Variants in MCC observed in about 807,000 individuals in gnomAD.
The protein encoded by MCC is colorectal mutant cancer protein.
In MCC, 90 loss-of-function variants were observed where a neutral mutation model predicts 116.2. The observed-to-expected ratio is 0.77, with a 90% confidence interval of 0.65 to 0.92. The LOEUF (loss-of-function observed/expected upper bound fraction) is 0.92. Among genes scored for constraint, MCC ranks in the 40% least tolerant of loss-of-function variants. The pLI is 0.00. For missense variants in MCC, 1,516 were observed against 1,312.2 expected (o/e 1.16, Z -2.40); for synonymous variants, 578 against 510.5 (o/e 1.13, Z -1.78).
rs1287362835 is a variant in MCC, at chr5:113,340,735, G to A, written c.416-5C>T. Reference sequence around the variant, plus strand: ...CCCTGGCTGCTGATAAGGCACCTAAGTCCGAGAGAAGCAGAGAAAATGAAA... The same window carrying A: ...CCCTGGCTGCTGATAAGGCACCTAAATCCGAGAGAAGCAGAGAAAATGAAA... On this transcript the variant is annotated splice_polypyrimidine_tract_variant and splice_region_variant and intron_variant, in intron 2 of 18. Transcript: ENST00000408903. 2 of 1,612,082 alleles carry A rather than the reference G, an allele frequency of 1.2e-6. No individual in the cohort carries two copies. Among genetic ancestry groups the A allele is most frequent in the Admixed American group, 1.7e-5 (1 of 59,962 alleles).
chr5:113,042,189 G>C (rs1751751271), intron 17 of MCC, among the ~76,000 whole-genome samples: 1 of 151,814 alleles, frequency 6.6e-6, no homozygotes, highest in Non-Finnish European at 1.5e-5. Flanking sequence ...AGGAATTTAA[G>C]GGCCGGGCAG....
chr5:113,093,069 G>A (rs75491328), intron 8 of MCC, among the ~76,000 whole-genome samples: 6,300 of 152,134 alleles, frequency 0.041, 177 homozygotes, highest in East Asian at 0.086. Context: ...AGAGTGCTGA[G>A]GAGAAAAACA....
rs539638737 is a variant in MCC, at chr5:113,189,704, T to C, written c.628-38282A>G. On this transcript the variant is annotated intron_variant, in intron 3 of 18. Coordinates refer to ENST00000408903, the MANE Select transcript of MCC (RefSeq NM_001085377.2). The stretch of plus-strand genomic sequence containing the variant: ...GAGCAAGCAGGAGGCTGGCTCCAAG[T>C]GCTCAGAGTCTAGTGGAATCACTGT... 5.4e-4 allele frequency among the ~76,000 whole-genome samples: 82 copies of C among 152,354 alleles called. No homozygotes were observed. The South Asian group carries it at 0.011, about 20-fold the overall frequency.
At chr5:113,034,567 A>G (rs1362969209) in intron 17 of MCC, among the ~76,000 whole-genome samples, 3 of 152,350 alleles carry the variant, frequency 2.0e-5, no homozygotes, top group African/African-American at 7.2e-5. Context: ...GAGGAGCTGT[A>G]ATCAGACCAA....
intron 1 of MCC, chr5:113,436,269 C>G (rs1285300488): frequency 6.6e-6 from 1 of 152,520 alleles, no homozygotes; most frequent in Non-Finnish European, 1.5e-5. Flanking sequence ...TCCAGACAGC[C>G]TCCTTCTCCT....
intron 1 of MCC, among the ~76,000 whole-genome samples, chr5:113,460,946 T>G (rs1446657202): frequency 5.3e-5 from 8 of 152,238 alleles, no homozygotes; most frequent in African/African-American, 1.7e-4. Flanking sequence ...TTTATCGCAT[T>G]TATTTTATTT....
chr5:113,243,083 GC>G lies in MCC; in HGVS notation c.628-91662del, dbSNP rs377680477. Among the ~76,000 whole-genome samples the G allele has an allele frequency of 3.1e-3, 471 of 152,338 alleles. 1 individual carries two copies. The highest frequency in any genetic ancestry group is 5.6e-3 in the Non-Finnish European group (384 of 68,030). On this transcript the variant is annotated intron_variant, in intron 3 of 18. Transcript: ENST00000408903. Reference sequence around the variant, plus strand: ...AATGAATTCTGAAATGAACAACTATGCTTTCTGCCTATTATCTTACAATCAA... The same window carrying G: ...AATGAATTCTGAAATGAACAACTATGTTTCTGCCTATTATCTTACAATCAA...
At chr5:113,444,359 AAGAC>A (rs1466196674) in intron 1 of MCC, among the ~76,000 whole-genome samples, 1 of 152,146 alleles carries the variant, frequency 6.6e-6, no homozygotes, top group Non-Finnish European at 1.5e-5. Context: ...TATAGGGTGA[AAGAC>A]AGAGATTGGG....
At chr5:113,273,692 A>G (rs1402557827) in intron 3 of MCC, among the ~76,000 whole-genome samples, 2 of 152,130 alleles carry the variant, frequency 1.3e-5, no homozygotes, top group Non-Finnish European at 2.9e-5. Flanking sequence ...TGCCAAGGAG[A>G]ATCAGCTGTA....
intron 14 of MCC, among the ~76,000 whole-genome samples, chr5:113,061,492 C>T (rs1753214509): frequency 6.6e-6 from 1 of 152,216 alleles, no homozygotes; most frequent in Non-Finnish European, 1.5e-5. Flanking sequence ...CCTAGTCACT[C>T]TGTCCATAAG....
intron 1 of MCC, among the ~76,000 whole-genome samples, chr5:113,465,618 G>A (rs921707843): frequency 1.3e-5 from 2 of 152,010 alleles, no homozygotes. Context: ...TTTGCAACCT[G>A]ACAAAAGATT....
rs146065977 is a variant in MCC at position 113,266,093 on chromosome 5, C to G, written c.627+74426G>C. ...TTGAATTTCAACTTTCATTAAAATC[C>G]TAGGTCTTATGCCAAATGCTAGGAA... On this transcript the variant is annotated intron_variant, in intron 3 of 18. Transcript: ENST00000408903. Among the ~76,000 whole-genome samples the G allele has an allele frequency of 7.9e-4, 121 of 152,264 alleles. 1 individual carries two copies. In the East Asian group the frequency reaches 0.023, roughly 28 times the overall value.
intron 9 of MCC, among the ~76,000 whole-genome samples, chr5:113,084,824 C>A (rs770552176): frequency 5.9e-5 from 9 of 152,176 alleles, no homozygotes; most frequent in Admixed American, 2.0e-4. Flanking sequence ...AGGTCCCTGA[C>A]TGGGCTGAAC....
At chr5:113,039,626 A>G (rs1012317028) in intron 17 of MCC, among the ~76,000 whole-genome samples, 1 of 152,116 alleles carries the variant, frequency 6.6e-6, no homozygotes, top group African/African-American at 2.4e-5. Flanking sequence ...AGGGGTCCCC[A>G]TAGAGAATGT....
chr5:113,131,901 T>C (rs1211826975), intron 5 of MCC, among the ~76,000 whole-genome samples: 1 of 152,154 alleles, frequency 6.6e-6, no homozygotes, highest in Non-Finnish European at 1.5e-5. Flanking sequence ...TATCATAGTC[T>C]CCACCCTCTT....
At chr5:113,429,489 A>G (rs577256294) in intron 1 of MCC, among the ~76,000 whole-genome samples, 1 of 152,298 alleles carries the variant, frequency 6.6e-6, no homozygotes, top group East Asian at 1.9e-4. Context: ...GCTGACTAAG[A>G]TAGGGGGTGA....
At chr5:113,331,940 A>G (rs1767707745) in intron 3 of MCC, among the ~76,000 whole-genome samples, 1 of 151,566 alleles carries the variant, frequency 6.6e-6, no homozygotes, top group African/African-American at 2.4e-5. Flanking sequence ...TCTGACTATG[A>G]TCTGGTATTT....
intron 17 of MCC, among the ~76,000 whole-genome samples, chr5:113,040,821 T>C (rs943216972): frequency 6.6e-6 from 1 of 152,236 alleles, no homozygotes; most frequent in Admixed American, 6.5e-5. Flanking sequence ...AGGCTGGTTA[T>C]TGGAAATCCA....
intron 3 of MCC, among the ~76,000 whole-genome samples, chr5:113,272,789 G>A (rs867806647): frequency 3.9e-5 from 6 of 152,140 alleles, no homozygotes; most frequent in South Asian, 2.1e-4. Context: ...GCAAGGAAAC[G>A]AATTATGGGA....
Sources: gnomAD v4.1 joint callset for allele counts (sites outside exome capture counted in the v4.1 genomes callset) on GRCh38, gnomAD v4.1.1 for gene constraint, MANE v1.5 for transcripts, NCBI Gene and HGNC (gene_info 2026-07-23, HGNC 2026-07-21) for gene names.